The following GRM8 variants were observed in gnomAD, a reference collection of about 807,000 sequenced individuals.
GRM8 encodes glutamate metabotropic receptor 8, also known as metabotropic glutamate receptor 8.
In GRM8, 47 loss-of-function variants were observed where a neutral mutation model predicts 87.2. The ratio of observed to expected loss-of-function variants is 0.54; its 90% confidence interval spans 0.43 to 0.69. GRM8 has a LOEUF of 0.69. Ranked by LOEUF, GRM8 falls within the 30% of genes least tolerant of loss-of-function variation. The probability of loss-of-function intolerance (pLI) is 0.00; values close to 1 mark genes in which losing one functional copy is unlikely to be tolerated. For synonymous variants in GRM8, 396 were observed against 404.5 expected (o/e 0.98, Z 0.25); for missense variants, 1,019 against 1,139.2 (o/e 0.89, Z 1.52).
intron 3 of GRM8, among the ~76,000 whole-genome samples, chr7:127,055,666 T>TACAC (rs34380122): frequency 3.7e-4 from 56 of 151,874 alleles, no homozygotes; most frequent in South Asian, 1.0e-3. Flanking sequence ...AATATTTATA[T>TACAC]ATACACACAC....
chr7:127,119,502 A>T lies in GRM8; in HGVS notation c.511-12790T>A, dbSNP rs17866312. Among the ~76,000 whole-genome samples, 522 of 150,694 alleles carry T rather than the reference A, an allele frequency of 3.5e-3. 2 individuals carry two copies. Among genetic ancestry groups the T allele is most frequent in the African/African-American group, 0.011 (449 of 41,096 alleles). ...TCCTGTCTCTCTCTCTCTCTCTCTCACACACACACACACATGCACACACAC... is the reference window on the plus strand; with the variant it reads ...TCCTGTCTCTCTCTCTCTCTCTCTCTCACACACACACACATGCACACACAC... On this transcript the variant is annotated intron_variant, in intron 2 of 10. Coordinates refer to ENST00000339582, the MANE Select transcript of GRM8 (RefSeq NM_000845.3).
At chr7:126,552,845 T>C (rs978965164) in intron 8 of GRM8, among the ~76,000 whole-genome samples, 1 of 152,148 alleles carries the variant, frequency 6.6e-6, no homozygotes. Context: ...AAAATTTTCA[T>C]CTTTAAATAA....
In GRM8 at chr7:126,769,852, CGTT is replaced by C. The variant is rs1563169967; in HGVS notation, c.1357+10_1357+12del. The C allele has an allele frequency of 6.5e-7, 1 of 1,537,146 alleles. No individual in the cohort carries two copies. Among genetic ancestry groups the C allele is most frequent in the South Asian group, 1.1e-5 (1 of 89,470 alleles). ...CTTTTAATGTATTTAGACACACACA[CGTT>C]GTAACTTACCATTAAAATTTACAGC... is the stretch of plus-strand genomic sequence containing the variant. On this transcript the variant is annotated intron_variant, in intron 7 of 10. Coordinates refer to ENST00000339582, the MANE Select transcript of GRM8 (RefSeq NM_000845.3).
chr7:126,712,031 T>C (rs1315124468), intron 7 of GRM8, among the ~76,000 whole-genome samples: 1 of 152,238 alleles, frequency 6.6e-6, no homozygotes, highest in Non-Finnish European at 1.5e-5. Flanking sequence ...CTTTAAGAAC[T>C]TTTCCTTTGC....
At chr7:126,602,290 A>G (rs1439897960) in intron 8 of GRM8, among the ~76,000 whole-genome samples, 10 of 146,154 alleles carry the variant, frequency 6.8e-5, no homozygotes, top group African/African-American at 2.5e-4. Context: ...CCATTGATCT[A>G]TATCTCTGTT....
At chr7:126,767,740 C>G (rs1818351325) in intron 7 of GRM8, among the ~76,000 whole-genome samples, 1 of 151,948 alleles carries the variant, frequency 6.6e-6, no homozygotes, top group Admixed American at 6.6e-5. Flanking sequence ...GATGAATATC[C>G]TGGAAATCAC....
chr7:126,564,493 G>GA (rs936176184), intron 8 of GRM8, among the ~76,000 whole-genome samples: 33 of 151,312 alleles, frequency 2.2e-4, no homozygotes, highest in East Asian at 5.8e-4. Context: ...AAAAGAAATG[G>GA]AAAAAAAACA....
intron 8 of GRM8, among the ~76,000 whole-genome samples, chr7:126,569,409 T>C (rs978646886): frequency 1.3e-5 from 2 of 152,184 alleles, no homozygotes; most frequent in African/African-American, 2.4e-5. Flanking sequence ...CCCCAAGACA[T>C]ACTGAACTTC....
chr7:126,748,878 T>C (rs560284069), intron 7 of GRM8, among the ~76,000 whole-genome samples: 5 of 152,130 alleles, frequency 3.3e-5, no homozygotes, highest in African/African-American at 9.6e-5. Flanking sequence ...ATAAATATAA[T>C]ACAATGGGAG....
chr7:126,443,134 C>T (rs1382990167), intron 10 of GRM8, among the ~76,000 whole-genome samples: 1 of 151,944 alleles, frequency 6.6e-6, no homozygotes, highest in Non-Finnish European at 1.5e-5. Context: ...AAATCTACCT[C>T]CAGCAGCAGC....
intron 7 of GRM8, among the ~76,000 whole-genome samples, chr7:126,692,981 C>T (rs1222032749): frequency 6.6e-6 from 1 of 152,128 alleles, no homozygotes; most frequent in Non-Finnish European, 1.5e-5. Context: ...ATTATTTTAG[C>T]AATAAGAATG....
chr7:126,929,588 T>C (rs369264383), intron 3 of GRM8, among the ~76,000 whole-genome samples: 1 of 151,982 alleles, frequency 6.6e-6, no homozygotes, highest in East Asian at 1.9e-4. Flanking sequence ...CACAGGCCAC[T>C]ATGCCTGGCT....
At chr7:126,902,018 G>T (rs1471477225) in intron 6 of GRM8, among the ~76,000 whole-genome samples, 1 of 151,842 alleles carries the variant, frequency 6.6e-6, no homozygotes, top group East Asian at 1.9e-4. Context: ...ATTCAAAAAT[G>T]CATATTCAAT....
intron 3 of GRM8, among the ~76,000 whole-genome samples, chr7:126,957,720 G>A (rs930880435): frequency 6.6e-6 from 1 of 152,224 alleles, no homozygotes; most frequent in Non-Finnish European, 1.5e-5. Context: ...GGGGGATGGC[G>A]GTGGCTCAGT....
chr7:126,663,866 A>G (rs1805478988), intron 7 of GRM8, among the ~76,000 whole-genome samples: 1 of 152,200 alleles, frequency 6.6e-6, no homozygotes, highest in Non-Finnish European at 1.5e-5. Context: ...CTCTTCACTG[A>G]CAATATTATT....
chr7:126,797,946 T>G (rs1056165179), intron 6 of GRM8, among the ~76,000 whole-genome samples: 2 of 152,150 alleles, frequency 1.3e-5, no homozygotes, highest in Admixed American at 1.3e-4. Flanking sequence ...GAACTGATAG[T>G]ATTTGAAAAA....
intron 2 of GRM8, among the ~76,000 whole-genome samples, chr7:127,182,660 TG>T (rs1251543221): frequency 2.0e-5 from 3 of 150,580 alleles, no homozygotes; most frequent in Non-Finnish European, 3.0e-5. Flanking sequence ...TGTGTGTGTG[TG>T]TGTGTGTGTG....
At chr7:126,804,525 C>T (rs2151718505) in intron 6 of GRM8, among the ~76,000 whole-genome samples, 1 of 152,336 alleles carries the variant, frequency 6.6e-6, no homozygotes, top group East Asian at 1.9e-4. Flanking sequence ...GCTCCCTCCT[C>T]TCCTGTCTCT....
At chr7:126,588,957 G>A (rs200573905) in intron 8 of GRM8, among the ~76,000 whole-genome samples, 2 of 152,120 alleles carry the variant, frequency 1.3e-5, no homozygotes, top group Admixed American at 1.3e-4. Flanking sequence ...TGCCAGAAGA[G>A]CCCTGTGGGC....
Sources: allele counts gnomAD v4.1 joint callset (sites outside exome capture counted in the v4.1 genomes callset), GRCh38; gene constraint gnomAD v4.1.1; transcripts MANE v1.5; gene names NCBI Gene and HGNC (gene_info 2026-07-23, HGNC 2026-07-21).